SGSM1: variants seen among roughly 807,000 people sequenced by gnomAD.
SGSM1 encodes the protein RUN and TBC1 domain containing 2.
Under a neutral mutation model 133.8 loss-of-function variants are expected in SGSM1, and 73 were observed. That is an observed-to-expected ratio of 0.55 (90% confidence interval 0.45 to 0.66). SGSM1 has a LOEUF of 0.66. Among genes scored for constraint, SGSM1 ranks in the 30% least tolerant of loss-of-function variants. The pLI is 0.00. For synonymous variants in SGSM1, 563 were observed against 573.0 expected (o/e 0.98, Z 0.25); for missense variants, 1,213 against 1,448.1 (o/e 0.84, Z 2.64).
At chr22:24,877,906 G>T (rs922687504) in intron 13 of SGSM1, among the ~76,000 whole-genome samples, 1 of 149,076 alleles carries the variant, frequency 6.7e-6, no homozygotes, top group Non-Finnish European at 1.5e-5. Context: ...CGCCTCCCGG[G>T]TTTAAGCAAT....
At chr22:24,809,077 C>A (rs1927582053) in intron 2 of SGSM1, among the ~76,000 whole-genome samples, 1 of 152,150 alleles carries the variant, frequency 6.6e-6, no homozygotes, top group African/African-American at 2.4e-5. Flanking sequence ...AGGTTCCGTT[C>A]TTCTGTCTTT....
intron 18 of SGSM1, among the ~76,000 whole-genome samples, chr22:24,896,057 G>A (rs773608195): frequency 2.6e-5 from 4 of 151,892 alleles, no homozygotes; most frequent in East Asian, 1.9e-4. Context: ...TCACACACAC[G>A]CACACACAAA....
chr22:24,855,207 G>A, intron 6 of SGSM1, 78 bp from the exon 7 acceptor site: 4 of 1,557,122 alleles, frequency 2.6e-6, no homozygotes, highest in Middle Eastern at 3.7e-4. Flanking sequence ...AGGGTAGTGA[G>A]ATGGGCGGCC....
intron 5 of SGSM1, 97 bp downstream of exon 5, chr22:24,850,529 C>T: frequency 6.8e-7 from 1 of 1,474,900 alleles, no homozygotes; most frequent in African/African-American, 1.4e-5. Context: ...TTTCTTTTTC[C>T]CCTTGACAGC....
intron 15 of SGSM1, 70 bp downstream of exon 15, chr22:24,884,268 A>G (rs1932488957): frequency 2.6e-6 from 4 of 1,531,318 alleles, no homozygotes; most frequent in African/African-American, 1.4e-5. Flanking sequence ...TATCTGAGAA[A>G]TAAGCCCACA....
intron 1 of SGSM1, 46 bp downstream of exon 1, chr22:24,806,390 C>G: frequency 2.0e-6 from 3 of 1,510,686 alleles, no homozygotes; most frequent in Non-Finnish European, 2.7e-6. Context: ...CAGCGCCCGG[C>G]CCCCGCACCC....
intron 21 of SGSM1, among the ~76,000 whole-genome samples, chr22:24,906,783 TAAAA>T (rs796798298): frequency 6.8e-6 from 1 of 147,998 alleles, no homozygotes; most frequent in Non-Finnish European, 1.5e-5. Context: ...AAATAAAACA[TAAAA>T]AAAAGTAAAC....
At chr22:24,896,743 G>A (rs931372165) in intron 18 of SGSM1, among the ~76,000 whole-genome samples, 3 of 151,848 alleles carry the variant, frequency 2.0e-5, no homozygotes, top group African/African-American at 7.3e-5. Flanking sequence ...CTGGGAGGCC[G>A]AGGCAGGTCA....
Position 24,851,441 on chromosome 22 carries a change from G to T in SGSM1, c.455+1009G>T, listed in dbSNP as rs1350160136. Among the ~76,000 whole-genome samples, 454 of 137,416 alleles carry T rather than the reference G, an allele frequency of 3.3e-3. 7 individuals are homozygous for T. Among genetic ancestry groups the T allele is most frequent in the African/African-American group, 0.014 (436 of 31,688 alleles). The allele number at this position is 137,416 out of a possible 152,430, so 90.2% of individuals were successfully genotyped here. On this transcript the variant is annotated intron_variant, in intron 5 of 24. Transcript: ENST00000400358. ...CAAGAGGTGGCAGGAAGGGAGGGGGGGGTGGGGGGAGAGAGAGAGAGAGAG... is the reference window on the plus strand; with the variant it reads ...CAAGAGGTGGCAGGAAGGGAGGGGGTGGTGGGGGGAGAGAGAGAGAGAGAG...
intron 22 of SGSM1, among the ~76,000 whole-genome samples, chr22:24,916,558 C>T (rs978780848): frequency 6.6e-6 from 1 of 152,030 alleles, no homozygotes; most frequent in African/African-American, 2.4e-5. Context: ...ATTAGCCAGG[C>T]CTGGTGGCGG....
intron 14 of SGSM1, among the ~76,000 whole-genome samples, chr22:24,881,690 C>T (rs1438646390): frequency 2.0e-5 from 3 of 152,304 alleles, no homozygotes; most frequent in Non-Finnish European, 2.9e-5. Flanking sequence ...ATTATATCAT[C>T]GTCATCATCA....
intron 9 of SGSM1, among the ~76,000 whole-genome samples, chr22:24,864,282 C>T (rs1931325445): frequency 6.6e-6 from 1 of 152,180 alleles, no homozygotes; most frequent in South Asian, 2.1e-4. Flanking sequence ...GTAACATCCC[C>T]TTACCTTGTG....
chr22:24,841,667 G>C (rs1207837506), intron 2 of SGSM1, among the ~76,000 whole-genome samples: 1 of 152,218 alleles, frequency 6.6e-6, no homozygotes, highest in African/African-American at 2.4e-5. Context: ...ACTGGGAGGT[G>C]GTGGTGGAGG....
At position 24,876,564 on chromosome 22, in the gene SGSM1, C is replaced by G. The variant is rs745533045; in HGVS notation, c.1292-13C>G. ...CAGGGTGATTCTTCTGCCCCTCCTT[C>G]TATCCACCACAGTGCCCCAGGATCT... On this transcript the variant is annotated splice_polypyrimidine_tract_variant and intron_variant, in intron 12 of 24. Transcript: ENST00000400358. The G allele has an allele frequency of 6.2e-7, 1 of 1,613,970 alleles. No individual in the cohort carries two copies. Among genetic ancestry groups the G allele is most frequent in the South Asian group, 1.1e-5 (1 of 91,076 alleles).
intron 3 of SGSM1, among the ~76,000 whole-genome samples, chr22:24,845,924 ATCTT>A (rs1197297495): frequency 6.8e-6 from 1 of 145,990 alleles, no homozygotes; most frequent in Admixed American, 6.8e-5. Context: ...TTTGGGCAAG[ATCTT>A]TCTTTTCTTT....
At chr22:24,886,782 C>G (rs941768669) in intron 16 of SGSM1, 54 bp downstream of exon 16, 11 of 1,534,124 alleles carry the variant, frequency 7.2e-6, no homozygotes, top group South Asian at 1.2e-5. Context: ...GAGCCAGATA[C>G]TGTGGGGCTG....
intron 20 of SGSM1, 33 bp from the exon 21 acceptor site, chr22:24,905,072 G>T (rs370749261): frequency 6.3e-7 from 1 of 1,597,326 alleles, no homozygotes; most frequent in Non-Finnish European, 8.6e-7. Context: ...GCAGGCCACG[G>T]CTGCCATCAT....
At chr22:24,853,055 G>A (rs1376542245) in intron 5 of SGSM1, among the ~76,000 whole-genome samples, 1 of 152,196 alleles carries the variant, frequency 6.6e-6, no homozygotes, top group African/African-American at 2.4e-5. Flanking sequence ...TAAGCAAGTT[G>A]TCATTTAATC....
intron 2 of SGSM1, among the ~76,000 whole-genome samples, chr22:24,841,137 A>C (rs5760694): frequency 0.11 from 16,592 of 152,220 alleles, 1,254 homozygotes; most frequent in East Asian, 0.4. Context: ...GGCGTGAGCC[A>C]CCGTGCCCTG....
Sources: gnomAD v4.1 joint callset for allele counts (sites outside exome capture counted in the v4.1 genomes callset) on GRCh38, gnomAD v4.1.1 for gene constraint, MANE v1.5 for transcripts, NCBI Gene and HGNC (gene_info 2026-07-23, HGNC 2026-07-21) for gene names.